APBB2: variants seen among roughly 807,000 people sequenced by gnomAD.
The protein encoded by APBB2 is amyloid beta precursor protein binding family B member 2.
In APBB2, 38 loss-of-function variants were observed where a neutral mutation model predicts 82.5. That is an observed-to-expected ratio of 0.46 (90% CI 0.36 to 0.60). The LOEUF (loss-of-function observed/expected upper bound fraction) is 0.60, where lower values mean the gene tolerates loss of function less well. Ranked by LOEUF, APBB2 falls within the 20% of genes least tolerant of loss-of-function variation. The probability of loss-of-function intolerance (pLI) is 0.00; values close to 1 mark genes in which losing one functional copy is unlikely to be tolerated. For synonymous variants in APBB2, 341 were observed against 368.2 expected, an observed-to-expected ratio of 0.93 and a Z score of 0.85; for missense variants, 772 against 972.3, an observed-to-expected ratio of 0.79 and a Z score of 2.74.
rs563962594 is a variant in APBB2, at chr4:40,994,356, C to A, written c.835+19227G>T. ...TACAGGCCAAACTTACTAGCTGCAA[C>A]GAGATTTTCTCCAAGACTTGCAAAT... is the stretch of plus-strand genomic sequence containing the variant. On this transcript the variant is annotated intron_variant, in intron 6 of 17. Transcript: ENST00000508593. Among the ~76,000 whole-genome samples, 7 of 150,996 alleles carry A rather than the reference C, an allele frequency of 4.6e-5. 1 individual carries two copies. Among genetic ancestry groups the A allele is most frequent in the South Asian group, 4.2e-4 (2 of 4,798 alleles).
intron 4 of APBB2, among the ~76,000 whole-genome samples, chr4:41,061,767 G>A (rs1729939081): frequency 6.6e-6 from 1 of 152,252 alleles, no homozygotes; most frequent in Non-Finnish European, 1.5e-5. Flanking sequence ...CCATCCAAGA[G>A]CAGCACCCTG....
At chr4:40,900,227 G>A (rs1436997031) in intron 10 of APBB2, among the ~76,000 whole-genome samples, 1 of 152,122 alleles carries the variant, frequency 6.6e-6, no homozygotes, top group Non-Finnish European at 1.5e-5. Context: ...GTGTATTCGC[G>A]ATGATAACAT....
At chr4:40,967,044 A>AT (rs1471541933) in intron 6 of APBB2, among the ~76,000 whole-genome samples, 7 of 152,138 alleles carry the variant, frequency 4.6e-5, no homozygotes, top group Admixed American at 4.6e-4. Context: ...TCTGAAGCCC[A>AT]TAAAAACCCC....
intron 3 of APBB2, among the ~76,000 whole-genome samples, chr4:41,083,640 A>G (rs1000951816): frequency 1.4e-5 from 2 of 141,722 alleles, no homozygotes; most frequent in African/African-American, 5.2e-5. Context: ...GTGAGCTGAG[A>G]TCACGCCACT....
chr4:40,862,671 C>A (rs1274851914), intron 12 of APBB2, among the ~76,000 whole-genome samples: 1 of 152,178 alleles, frequency 6.6e-6, no homozygotes, highest in Admixed American at 6.5e-5. Flanking sequence ...CCAGCCTGGT[C>A]AAGATGGTGA....
intron 1 of APBB2, among the ~76,000 whole-genome samples, chr4:41,183,441 A>C (rs1368913230): frequency 6.6e-6 from 1 of 152,224 alleles, no homozygotes; most frequent in African/African-American, 2.4e-5. Context: ...GTATTCAGAA[A>C]TAATGTCATT....
chr4:41,106,250 T>A (rs1050571806), intron 2 of APBB2, among the ~76,000 whole-genome samples: 2 of 152,304 alleles, frequency 1.3e-5, no homozygotes, highest in African/African-American at 4.8e-5. Context: ...AGAATTCCAA[T>A]GTTATCTAAG....
intron 4 of APBB2, among the ~76,000 whole-genome samples, chr4:41,052,250 C>CA (rs1467585334): frequency 8.2e-6 from 1 of 122,688 alleles, no homozygotes; most frequent in East Asian, 3.6e-4. Flanking sequence ...CATACCAAAA[C>CA]AAAATCTCAC....
chr4:41,172,051 G>A (rs1325950889), intron 1 of APBB2, among the ~76,000 whole-genome samples: 1 of 152,218 alleles, frequency 6.6e-6, no homozygotes, highest in Non-Finnish European at 1.5e-5. Context: ...AGTAAGCCAA[G>A]AGCGTACTAC....
chr4:41,063,986 T>C (rs1730760378), intron 4 of APBB2, among the ~76,000 whole-genome samples: 1 of 120,288 alleles, frequency 8.3e-6, no homozygotes, highest in Admixed American at 1.0e-4. Context: ...AGACAGAATC[T>C]CGCTGTGTCG....
chr4:41,062,081 G>A (rs538075285), intron 4 of APBB2, among the ~76,000 whole-genome samples: 2 of 152,332 alleles, frequency 1.3e-5, no homozygotes, highest in East Asian at 3.9e-4. Flanking sequence ...GGGCAGCAAG[G>A]GCTGCTAAGG....
chr4:41,175,600 C>T (rs1560957433), intron 1 of APBB2, among the ~76,000 whole-genome samples: 1 of 152,022 alleles, frequency 6.6e-6, no homozygotes, highest in Non-Finnish European at 1.5e-5. Context: ...CCTATTTACA[C>T]CAGTTGTTCT....
chr4:41,029,757 G>A (rs1424732442), intron 5 of APBB2, among the ~76,000 whole-genome samples: 1 of 152,146 alleles, frequency 6.6e-6, no homozygotes, highest in African/African-American at 2.4e-5. Flanking sequence ...ATCAGATTTG[G>A]CAGAAAATCA....
At chr4:40,853,335 C>T (rs1425387498) in intron 12 of APBB2, among the ~76,000 whole-genome samples, 1 of 151,770 alleles carries the variant, frequency 6.6e-6, no homozygotes, top group Non-Finnish European at 1.5e-5. Flanking sequence ...CATGGCAAAC[C>T]TTTAAGCACT....
chr4:41,046,816 C>T (rs372024040), intron 4 of APBB2, among the ~76,000 whole-genome samples: 25 of 152,334 alleles, frequency 1.6e-4, no homozygotes, highest in African/African-American at 6.0e-4. Context: ...CCCTGGCAGG[C>T]TCTATTCACA....
chr4:40,885,459 T>TA (rs2154348547), intron 12 of APBB2, among the ~76,000 whole-genome samples: 1 of 152,240 alleles, frequency 6.6e-6, no homozygotes, highest in African/African-American at 2.4e-5. Flanking sequence ...TGCTAGGAGA[T>TA]AAATTACCTG....
At chr4:40,865,559 T>G (rs908109740) in intron 12 of APBB2, among the ~76,000 whole-genome samples, 2 of 152,250 alleles carry the variant, frequency 1.3e-5, no homozygotes, top group Non-Finnish European at 2.9e-5. Flanking sequence ...CTGTAATACC[T>G]AGCTTTCTGA....
At chr4:41,066,386 C>T (rs1386409020) in intron 3 of APBB2, among the ~76,000 whole-genome samples, 1 of 152,158 alleles carries the variant, frequency 6.6e-6, no homozygotes, top group African/African-American at 2.4e-5. Context: ...ATATGCAGAA[C>T]ACCTACTATA....
At chr4:40,896,220 G>A (rs1451272246) in intron 10 of APBB2, among the ~76,000 whole-genome samples, 2 of 152,088 alleles carry the variant, frequency 1.3e-5, no homozygotes, top group Non-Finnish European at 2.9e-5. Context: ...GTACACCACC[G>A]TGCCCGGCTA....
Sources: allele counts gnomAD v4.1 joint callset (sites outside exome capture counted in the v4.1 genomes callset), GRCh38; gene constraint gnomAD v4.1.1; transcripts MANE v1.5; gene names NCBI Gene and HGNC (gene_info 2026-07-23, HGNC 2026-07-21).